ALK: variants seen among roughly 807,000 people sequenced by gnomAD.
ALK encodes the protein ALK receptor tyrosine kinase.
Under a neutral mutation model 163.1 loss-of-function variants are expected in ALK, and 74 were observed. That is an observed-to-expected ratio of 0.45 (90% CI 0.38 to 0.55). The LOEUF (loss-of-function observed/expected upper bound fraction) is 0.55. Ranked by LOEUF, ALK falls within the 20% of genes least tolerant of loss-of-function variation. The pLI is 0.00. For missense variants in ALK, 2,063 were observed against 2,105.3 expected (o/e 0.98, Z 0.39); for synonymous variants, 960 against 843.2 (o/e 1.14, Z -2.40).
At chr2:29,812,685 G>A (rs1664788709) in intron 1 of ALK, among the ~76,000 whole-genome samples, 1 of 152,088 alleles carries the variant, frequency 6.6e-6, no homozygotes, top group African/African-American at 2.4e-5. Flanking sequence ...CCCCTGATCT[G>A]GCTGATGGTG....
rs373771323 is a variant in ALK, at chr2:29,570,586, G to A, written c.953-38470C>T. ...ATAGAAACAGGGTCTGCAGGAGCAGGCTCTGAGGCTGAGTCCTGGGAGAAC... is the reference window on the plus strand; with the variant it reads ...ATAGAAACAGGGTCTGCAGGAGCAGACTCTGAGGCTGAGTCCTGGGAGAAC... On this transcript the variant is annotated intron_variant, in intron 3 of 28. Coordinates refer to ENST00000389048, the MANE Select transcript of ALK (RefSeq NM_004304.5). Among the ~76,000 whole-genome samples, 3 of 152,196 alleles carry A rather than the reference G, an allele frequency of 2.0e-5. No homozygotes were observed. The East Asian group carries it at 5.8e-4, about 29-fold the overall frequency.
Position 29,920,739 on chromosome 2 carries a change from A to T in ALK, c.-80T>A. 1.5e-6 allele frequency: 2 copies of T among 1,309,294 alleles called. No individual in the cohort carries two copies. The highest frequency in any genetic ancestry group is 5.0e-5 in the East Asian group (2 of 39,640). 81.1% of individuals were successfully genotyped at this position (1,309,294 alleles called of 1,614,324 possible). A position where few individuals can be genotyped will look rare whatever the true frequency, so the allele number is the denominator to read the frequency against. On this transcript the variant is annotated 5_prime_UTR_variant, in exon 1 of 29. Coordinates refer to ENST00000389048, the MANE Select transcript of ALK (RefSeq NM_004304.5). Reference sequence around the variant, plus strand: ...CTCCCCGAGATGGGAAGAGGCTCTGAACAGTCCTTGGTACCCAGCGGCTCC... The same window carrying T: ...CTCCCCGAGATGGGAAGAGGCTCTGTACAGTCCTTGGTACCCAGCGGCTCC...
At chr2:29,800,404 G>C (rs1664437547) in intron 1 of ALK, among the ~76,000 whole-genome samples, 1 of 152,168 alleles carries the variant, frequency 6.6e-6, no homozygotes, top group Non-Finnish European at 1.5e-5. Context: ...CCATTACTTG[G>C]TTTTATTGCG....
chr2:29,619,948 A>G (rs1460341734), intron 3 of ALK, among the ~76,000 whole-genome samples: 1 of 151,962 alleles, frequency 6.6e-6, no homozygotes, highest in Non-Finnish European at 1.5e-5. Context: ...GGGCTGCCCA[A>G]CTCTAGCAGC....
intron 2 of ALK, among the ~76,000 whole-genome samples, chr2:29,701,653 C>T (rs1678739897): frequency 6.6e-6 from 1 of 152,154 alleles, no homozygotes; most frequent in South Asian, 2.1e-4. Context: ...CCCTGACCCC[C>T]ATGGAGAGGA....
intron 3 of ALK, among the ~76,000 whole-genome samples, chr2:29,688,702 G>A (rs1678307289): frequency 6.6e-6 from 1 of 152,178 alleles, no homozygotes; most frequent in South Asian, 2.1e-4. Flanking sequence ...GTGTGTGTCT[G>A]TGTCTGTGTG....
intron 3 of ALK, among the ~76,000 whole-genome samples, chr2:29,685,269 A>G (rs1678202676): frequency 6.6e-6 from 1 of 152,140 alleles, no homozygotes; most frequent in South Asian, 2.1e-4. Context: ...GGCAGCTGTT[A>G]CAGCACCTTC....
intron 3 of ALK, among the ~76,000 whole-genome samples, chr2:29,622,990 G>A (rs74714157): frequency 1.3e-3 from 202 of 152,268 alleles, no homozygotes; most frequent in African/African-American, 4.3e-3. Context: ...AATGTGAGAC[G>A]CGGTCCCTGG....
intron 3 of ALK, among the ~76,000 whole-genome samples, chr2:29,589,842 C>T (rs1002375466): frequency 1.3e-4 from 20 of 152,180 alleles, no homozygotes; most frequent in African/African-American, 4.6e-4. Flanking sequence ...AAGTCAGAAT[C>T]AGCTGCCAAG....
chr2:29,867,498 T>G (rs1217712667), intron 1 of ALK, among the ~76,000 whole-genome samples: 1 of 152,188 alleles, frequency 6.6e-6, no homozygotes, highest in East Asian at 1.9e-4. Context: ...TTCATGGTAT[T>G]CAACAGATTC....
chr2:29,751,223 G>T (rs945218518), intron 1 of ALK, among the ~76,000 whole-genome samples: 1 of 152,198 alleles, frequency 6.6e-6, no homozygotes, highest in African/African-American at 2.4e-5. Flanking sequence ...AAGGAGTGGT[G>T]AGTGAGGGTG....
intron 26 of ALK, among the ~76,000 whole-genome samples, chr2:29,199,619 C>G (rs1004176426): frequency 2.0e-5 from 3 of 152,188 alleles, no homozygotes; most frequent in Non-Finnish European, 4.4e-5. Context: ...CTGCTTCTTG[C>G]ATTGATACCA....
At chr2:29,613,054 A>G (rs767667338) in intron 3 of ALK, among the ~76,000 whole-genome samples, 18 of 152,242 alleles carry the variant, frequency 1.2e-4, no homozygotes, top group Non-Finnish European at 2.5e-4. Flanking sequence ...GAGTTTTGTC[A>G]GAGAGGAAAA....
intron 2 of ALK, among the ~76,000 whole-genome samples, chr2:29,698,183 G>A (rs1398557951): frequency 6.6e-6 from 1 of 152,204 alleles, no homozygotes; most frequent in East Asian, 1.9e-4. Flanking sequence ...TTGCTCTACA[G>A]TTGGTGTCCA....
intron 9 of ALK, among the ~76,000 whole-genome samples, chr2:29,280,602 T>G (rs956608540): frequency 6.7e-6 from 1 of 149,756 alleles, no homozygotes; most frequent in Non-Finnish European, 1.5e-5. Context: ...AGTTCTAGTA[T>G]GTACCAGGTG....
chr2:29,315,301 C>T (rs1666801727), intron 8 of ALK, among the ~76,000 whole-genome samples: 1 of 152,014 alleles, frequency 6.6e-6, no homozygotes, highest in Admixed American at 6.5e-5. Flanking sequence ...CTGGAATGCC[C>T]TGGAAGTTAG....
At chr2:29,793,526 T>C (rs982006855) in intron 1 of ALK, among the ~76,000 whole-genome samples, 7 of 152,188 alleles carry the variant, frequency 4.6e-5, no homozygotes, top group African/African-American at 1.7e-4. Flanking sequence ...CGAATCACTA[T>C]CTATGGCAGC....
Position 29,627,405 on chromosome 2 carries a change from T to C in ALK, c.952+67445A>G, listed in dbSNP as rs180939826. Among the ~76,000 whole-genome samples the C allele has an allele frequency of 4.4e-4, 67 of 152,316 alleles. No homozygotes were observed. In the East Asian group the frequency reaches 8.5e-3, roughly 19 times the overall value. On this transcript the variant is annotated intron_variant, in intron 3 of 28. Coordinates refer to ENST00000389048, the MANE Select transcript of ALK (RefSeq NM_004304.5). The stretch of plus-strand genomic sequence containing the variant: ...AAGGCTCACTGTTGATGCCGCAAAT[T>C]TCTGCATTAGATGGCTGGTAGCCCA...
At chr2:29,598,294 G>A (rs892384427) in intron 3 of ALK, among the ~76,000 whole-genome samples, 1 of 152,190 alleles carries the variant, frequency 6.6e-6, no homozygotes, top group African/African-American at 2.4e-5. Context: ...CCAAAGTGCT[G>A]GGATTACAGG....
Sources: gnomAD v4.1 joint callset for allele counts (sites outside exome capture counted in the v4.1 genomes callset) on GRCh38, gnomAD v4.1.1 for gene constraint, MANE v1.5 for transcripts, NCBI Gene and HGNC (gene_info 2026-07-23, HGNC 2026-07-21) for gene names.